Variants in GRID2 observed in about 807,000 individuals in gnomAD.
The protein encoded by GRID2 is glutamate ionotropic receptor delta type subunit 2, also known as glutamate receptor ionotropic, delta-2.
In GRID2, 33 loss-of-function variants were observed where a neutral mutation model predicts 114.8. That is an observed-to-expected ratio of 0.29 (90% confidence interval 0.22 to 0.38). The LOEUF (loss-of-function observed/expected upper bound fraction) is 0.38. Among genes scored for constraint, GRID2 ranks in the 10% least tolerant of loss-of-function variants. The probability of loss-of-function intolerance (pLI) is 1.00; values close to 1 mark genes in which losing one functional copy is unlikely to be tolerated. For missense variants in GRID2, 1,184 were observed against 1,257.7 expected (o/e 0.94, Z 0.89); for synonymous variants, 505 against 449.9 (o/e 1.12, Z -1.55).
intron 13 of GRID2, among the ~76,000 whole-genome samples, chr4:93,598,252 C>T (rs895298428): frequency 1.3e-5 from 2 of 152,138 alleles, no homozygotes; most frequent in Non-Finnish European, 2.9e-5. Flanking sequence ...TTATAGCTTC[C>T]ATTCCACATA....
chr4:92,381,155 A>C (rs1313815390), intron 1 of GRID2, among the ~76,000 whole-genome samples: 1 of 152,018 alleles, frequency 6.6e-6, no homozygotes, highest in Non-Finnish European at 1.5e-5. Context: ...AACCTAATAA[A>C]ATTGGTAACT....
intron 2 of GRID2, among the ~76,000 whole-genome samples, chr4:92,904,520 C>A (rs989954916): frequency 6.6e-6 from 1 of 151,724 alleles, no homozygotes; most frequent in Non-Finnish European, 1.5e-5. Flanking sequence ...CATTTAGCAG[C>A]CAGAGCATGA....
chr4:93,692,453 T>C (rs1247874876), intron 14 of GRID2, among the ~76,000 whole-genome samples: 1 of 152,184 alleles, frequency 6.6e-6, no homozygotes, highest in Non-Finnish European at 1.5e-5. Context: ...AGAATGTATC[T>C]GCTACATAGA....
At chr4:92,749,357 C>T (rs1312594768) in intron 2 of GRID2, among the ~76,000 whole-genome samples, 1 of 143,252 alleles carries the variant, frequency 7.0e-6, no homozygotes, top group Non-Finnish European at 1.5e-5. Flanking sequence ...CTCTGTCGCC[C>T]AGGCTGGAGT....
chr4:93,131,427 C>T lies in GRID2; in HGVS notation c.735+20474C>T, dbSNP rs935082402. 1.9e-4 allele frequency among the ~76,000 whole-genome samples: 29 copies of T among 151,914 alleles called. No individual in the cohort carries two copies. In the East Asian group the frequency reaches 2.9e-3, roughly 15 times the overall value. ...TTGGCTTCCCAAAGTGCTGGGATTA[C>T]AAGCTTGAGCCACCACGCCTGCCCA... is the stretch of plus-strand genomic sequence containing the variant. On this transcript the variant is annotated intron_variant, in intron 4 of 15. Coordinates refer to ENST00000282020, the MANE Select transcript of GRID2 (RefSeq NM_001510.4).
chr4:93,228,457 G>C (rs1262744096), intron 7 of GRID2, among the ~76,000 whole-genome samples: 2 of 152,140 alleles, frequency 1.3e-5, no homozygotes, highest in South Asian at 4.1e-4. Context: ...AATGGCAATT[G>C]CATTTCAAGA....
chr4:92,423,665 T>C (rs1408766740), intron 1 of GRID2, among the ~76,000 whole-genome samples: 1 of 152,164 alleles, frequency 6.6e-6, no homozygotes, highest in Admixed American at 6.6e-5. Context: ...TTATATCCTA[T>C]TTTCCTTCAC....
At chr4:93,321,699 T>C (rs1396482518) in intron 8 of GRID2, among the ~76,000 whole-genome samples, 1 of 151,952 alleles carries the variant, frequency 6.6e-6, no homozygotes, top group African/African-American at 2.4e-5. Context: ...TTCTGGGATA[T>C]TATATTCTCT....
intron 2 of GRID2, among the ~76,000 whole-genome samples, chr4:92,951,127 A>G (rs1188985527): frequency 6.6e-6 from 1 of 152,112 alleles, no homozygotes; most frequent in Admixed American, 6.6e-5. Context: ...AAGTACATAT[A>G]TTCTATGTAT....
chr4:92,484,218 GA>G (rs1722756136), intron 1 of GRID2, among the ~76,000 whole-genome samples: 1 of 152,130 alleles, frequency 6.6e-6, no homozygotes, highest in South Asian at 2.1e-4. Flanking sequence ...AAGTCACAAA[GA>G]TGGTATCTGA....
chr4:92,817,979 A>G (rs965331714), intron 2 of GRID2, among the ~76,000 whole-genome samples: 3 of 152,146 alleles, frequency 2.0e-5, no homozygotes, highest in East Asian at 1.9e-4. Flanking sequence ...GCTAAAAACT[A>G]TGTTATCCAA....
At chr4:93,571,865 A>T (rs535602679) in intron 13 of GRID2, among the ~76,000 whole-genome samples, 1 of 152,242 alleles carries the variant, frequency 6.6e-6, no homozygotes, top group South Asian at 2.1e-4. Context: ...TCAGAAACAG[A>T]GGCTAAGAAT....
intron 2 of GRID2, among the ~76,000 whole-genome samples, chr4:92,922,496 A>G (rs972157024): frequency 6.6e-6 from 1 of 152,096 alleles, no homozygotes; most frequent in Non-Finnish European, 1.5e-5. Context: ...ACCCCCCCAG[A>G]AACTGACACT....
chr4:92,881,064 C>G (rs962355904), intron 2 of GRID2, among the ~76,000 whole-genome samples: 1 of 151,952 alleles, frequency 6.6e-6, no homozygotes, highest in African/African-American at 2.4e-5. Context: ...CACCATGCCC[C>G]GCTAATTTTT....
intron 13 of GRID2, among the ~76,000 whole-genome samples, chr4:93,557,305 T>C (rs983660369): frequency 4.6e-5 from 7 of 151,874 alleles, no homozygotes; most frequent in African/African-American, 1.7e-4. Context: ...GCAAATTGGA[T>C]AGAGTCAAGA....
intron 8 of GRID2, among the ~76,000 whole-genome samples, chr4:93,351,786 A>G (rs977461458): frequency 3.3e-5 from 5 of 152,128 alleles, no homozygotes; most frequent in Non-Finnish European, 5.9e-5. Context: ...CTACATTTAC[A>G]TAGCCAATAA....
At chr4:92,731,221 A>G (rs1736314034) in intron 2 of GRID2, among the ~76,000 whole-genome samples, 1 of 147,204 alleles carries the variant, frequency 6.8e-6, no homozygotes, top group Non-Finnish European at 1.5e-5. Flanking sequence ...CTAATTTTAG[A>G]CAATAAGTGA....
Position 93,510,132 on chromosome 4 carries a change from G to A in GRID2, c.1998-5084G>A, listed in dbSNP as rs114108068. On this transcript the variant is annotated intron_variant, in intron 12 of 15. Transcript: ENST00000282020. ...GAAGCATCTGGTGCCTATCCTATCA[G>A]CCACGTTCCATTTTTCTCCCCCTGA... 5.4e-3 allele frequency among the ~76,000 whole-genome samples: 829 copies of A among 152,194 alleles called. 7 individuals carry two copies. Among genetic ancestry groups the A allele is most frequent in the African/African-American group, 0.018 (757 of 41,522 alleles).
intron 8 of GRID2, among the ~76,000 whole-genome samples, chr4:93,296,441 A>G (rs1333767633): frequency 6.6e-6 from 1 of 152,176 alleles, no homozygotes; most frequent in Non-Finnish European, 1.5e-5. Context: ...GCCTACTACA[A>G]GAAGCAAAGC....
Sources: allele counts gnomAD v4.1 joint callset (sites outside exome capture counted in the v4.1 genomes callset), GRCh38; gene constraint gnomAD v4.1.1; transcripts MANE v1.5; gene names NCBI Gene and HGNC (gene_info 2026-07-23, HGNC 2026-07-21).